The following SLC35B4 variants were observed in gnomAD, a reference collection of about 807,000 sequenced individuals.
SLC35B4 encodes the protein solute carrier family 35 member B4.
A neutral mutation model predicts 39.5 loss-of-function variants in SLC35B4; 28 were observed. The observed-to-expected ratio is 0.71, with a 90% CI of 0.53 to 0.97. SLC35B4 has a LOEUF of 0.97. Ranked by LOEUF, SLC35B4 falls within the 50% of genes least tolerant of loss-of-function variation. The probability of loss-of-function intolerance (pLI) is 0.00; values close to 1 mark genes in which losing one functional copy is unlikely to be tolerated. For missense variants in SLC35B4, 334 were observed against 414.3 expected (o/e 0.81, Z 1.68); for synonymous variants, 145 against 150.4 (o/e 0.96, Z 0.26).
intron 8 of SLC35B4, 21 bp from the exon 9 acceptor site, chr7:134,296,487 T>C: frequency 1.3e-6 from 2 of 1,587,850 alleles, no homozygotes; most frequent in South Asian, 1.1e-5. Context: ...TACAAGAGGA[T>C]ATAGCCATAT....
Position 134,299,504 on chromosome 7 carries a change from T to G in SLC35B4, c.673+19A>C. 6.3e-7 allele frequency: 1 copy of G among 1,598,590 alleles called. No individual in the cohort carries two copies. The highest frequency in any genetic ancestry group is 8.6e-7 in the Non-Finnish European group (1 of 1,166,914). ...CTCAGAAACTGTCAGGTAATTCTAC[T>G]GTCTAACCCCAAACTCACCAGACTT... On this transcript the variant is annotated intron_variant, in intron 8 of 9. Coordinates refer to ENST00000378509, the MANE Select transcript of SLC35B4 (RefSeq NM_032826.5).
chr7:134,298,166 T>C (rs1323505251), intron 8 of SLC35B4, among the ~76,000 whole-genome samples: 2 of 152,212 alleles, frequency 1.3e-5, no homozygotes, highest in Non-Finnish European at 2.9e-5. Flanking sequence ...AAGACTAATT[T>C]TTGAAACTTA....
chr7:134,300,359 GAACT>G (rs1803553449), intron 6 of SLC35B4, 98 bp from the exon 7 acceptor site: 1 of 789,782 alleles, frequency 1.3e-6, no homozygotes, highest in African/African-American at 1.7e-5. Context: ...CAAATATTAT[GAACT>G]AATTGTAGAA....
intron 1 of SLC35B4, among the ~76,000 whole-genome samples, chr7:134,311,896 C>G (rs1803849084): frequency 6.6e-6 from 1 of 152,148 alleles, no homozygotes; most frequent in Non-Finnish European, 1.5e-5. Context: ...GGTGCTGACA[C>G]AAGGTTGAGA....
chr7:134,314,190 T>C (rs542557128), intron 1 of SLC35B4, among the ~76,000 whole-genome samples: 3 of 152,280 alleles, frequency 2.0e-5, no homozygotes, highest in Admixed American at 2.0e-4. Flanking sequence ...TTTTATATAT[T>C]AAAGAAATAT....
At chr7:134,298,566 A>G (rs1803517607) in intron 8 of SLC35B4, among the ~76,000 whole-genome samples, 2 of 152,216 alleles carry the variant, frequency 1.3e-5, no homozygotes, top group African/African-American at 4.8e-5. Flanking sequence ...TTTTTATTTC[A>G]ATAGCCCTTT....
upstream of SLC35B4, among the ~76,000 whole-genome samples, chr7:134,319,006 T>C (rs1430908977): frequency 6.6e-6 from 1 of 152,222 alleles, no homozygotes; most frequent in Non-Finnish European, 1.5e-5. Context: ...GCTACTGACC[T>C]GTTGACTGCA....
upstream of SLC35B4, among the ~76,000 whole-genome samples, chr7:134,318,817 A>G (rs1034397276): frequency 1.3e-5 from 2 of 152,238 alleles, no homozygotes; most frequent in Admixed American, 6.5e-5. Context: ...TAATATTTGC[A>G]AGAGTTCTGT....
chr7:134,300,409 T>C (rs1038621150), intron 6 of SLC35B4, 148 bp from the exon 7 acceptor site: 19 of 548,756 alleles, frequency 3.5e-5, no homozygotes, highest in Non-Finnish European at 5.3e-5. Context: ...AAAAATACAT[T>C]ATTACCATCT....
rs981746370 is a variant in SLC35B4 at position 134,301,967 on chromosome 7, T to G, written c.426+62A>C. The G allele has an allele frequency of 5.8e-6, 9 of 1,554,712 alleles. No individual in the cohort carries two copies. In the African/African-American group the frequency reaches 1.1e-4, roughly 19 times the overall value. Reference sequence around the variant, plus strand: ...TACATAAAAATTTGAATTGTATTAATTGCCTGGTAACTGGGCCCCAATAGC... The same window carrying G: ...TACATAAAAATTTGAATTGTATTAAGTGCCTGGTAACTGGGCCCCAATAGC... On this transcript the variant is annotated intron_variant, in intron 5 of 9. Transcript: ENST00000378509.
At chr7:134,298,474 C>T (rs1354720397) in intron 8 of SLC35B4, among the ~76,000 whole-genome samples, 3 of 152,172 alleles carry the variant, frequency 2.0e-5, no homozygotes, top group African/African-American at 7.2e-5. Context: ...TTCTGTAAAA[C>T]ATTTTATCAT....
chr7:134,317,075 C>A (rs910311909), upstream of SLC35B4: 1 of 307,986 alleles, frequency 3.2e-6, no homozygotes. Context: ...CCAGAGAGGA[C>A]AGGGGGACGA....
chr7:134,300,899 G>C (rs1803565706), intron 6 of SLC35B4, among the ~76,000 whole-genome samples: 1 of 144,616 alleles, frequency 6.9e-6, no homozygotes, highest in African/African-American at 2.6e-5. Flanking sequence ...CAGTATGATA[G>C]GCCAACATAA....
chr7:134,320,336 CATG>C (rs1324177191), upstream of SLC35B4, among the ~76,000 whole-genome samples: 2 of 152,140 alleles, frequency 1.3e-5, no homozygotes, highest in African/African-American at 4.8e-5. Context: ...TTGCTCACAA[CATG>C]GTGGATTCAG....
chr7:134,296,682 A>G (rs1382814830), intron 8 of SLC35B4, among the ~76,000 whole-genome samples: 2 of 152,216 alleles, frequency 1.3e-5, no homozygotes, highest in African/African-American at 4.8e-5. Flanking sequence ...TAATAGTTTT[A>G]ATTTTTAAGG....
intron 1 of SLC35B4, among the ~76,000 whole-genome samples, chr7:134,312,099 G>A (rs1001807708): frequency 5.3e-5 from 8 of 152,042 alleles, no homozygotes; most frequent in African/African-American, 1.4e-4. Flanking sequence ...TTAACACAGC[G>A]CCTGCCACAG....
rs1233593598 is a variant in SLC35B4, at chr7:134,295,018, G to A, written c.811C>T (p.Leu271Phe). The A allele has an allele frequency of 1.1e-5, 18 of 1,614,074 alleles. No individual in the cohort carries two copies. Among genetic ancestry groups the A allele is most frequent in the Non-Finnish European group, 1.4e-5 (17 of 1,180,040 alleles). The change falls in exon 10 of 10, where the codon CTC (leucine) becomes TTC (phenylalanine). Residue 271 changes from leucine to phenylalanine, a missense_variant. By Grantham distance (22) the Leu-to-Phe change is conservative (BLOSUM62 0). Transcript: ENST00000378509. ...ACAAATTTGCGTAGGGTCACGACGA[G>A]CGTGACGGTGAGGGAGGCGCATTCT... is the stretch of plus-strand genomic sequence containing the variant. ...TTECASLTVT[L>F]VVTLRKFVSL...
chr7:134,320,275 C>A (rs552015242), upstream of SLC35B4, among the ~76,000 whole-genome samples: 219 of 152,270 alleles, frequency 1.4e-3, 1 homozygote, highest in African/African-American at 5.0e-3. Context: ...AAGGGTTGAT[C>A]CCCGAGATGG....
chr7:134,304,810 C>T lies in SLC35B4; in HGVS notation c.339G>A (p.Lys113=). Residue 113 remains lysine (K), a synonymous_variant, in exon 4 of 10, where the codon AAG becomes AAA. Coordinates refer to ENST00000378509, the MANE Select transcript of SLC35B4 (RefSeq NM_032826.5). ...ANMILGIIIL[K]KRYSIFKYTS... ...TACAGAAGTGTATTGTTTACCTTTT[C>T]TTCAAAATGATAATTCCTAGAATCA... 1 of 1,609,874 alleles carries T rather than the reference C, an allele frequency of 6.2e-7. No individual in the cohort carries two copies.
Sources: gnomAD v4.1 joint callset for allele counts (sites outside exome capture counted in the v4.1 genomes callset) on GRCh38, gnomAD v4.1.1 for gene constraint, MANE v1.5 for transcripts, NCBI Gene and HGNC (gene_info 2026-07-23, HGNC 2026-07-21) for gene names.